The following DLG2 variants were observed in gnomAD, a reference collection of about 807,000 sequenced individuals.
DLG2 encodes the protein discs large MAGUK scaffold protein 2, also known as disks large homolog 2.
Under a neutral mutation model 132.5 loss-of-function variants are expected in DLG2, and 45 were observed. The observed-to-expected ratio is 0.34, with a 90% CI of 0.27 to 0.44. DLG2 has a LOEUF of 0.44. Ranked by LOEUF, DLG2 falls within the 20% of genes least tolerant of loss-of-function variation. DLG2 has a pLI of 1.00. For missense variants in DLG2, 1,045 were observed against 1,196.9 expected (o/e 0.87, Z 1.87); for synonymous variants, 424 against 419.6 (o/e 1.01, Z -0.13).
intron 14 of DLG2, among the ~76,000 whole-genome samples, chr11:83,955,332 T>A (rs780409150): frequency 4.6e-5 from 7 of 152,184 alleles, no homozygotes; most frequent in Non-Finnish European, 7.3e-5. Flanking sequence ...ATCACTCTGT[T>A]ATTCTACTGT....
At chr11:83,767,025 C>CT (rs1187245799) in intron 18 of DLG2, among the ~76,000 whole-genome samples, 1 of 152,136 alleles carries the variant, frequency 6.6e-6, no homozygotes, top group Non-Finnish European at 1.5e-5. Context: ...TCCTGCCTCT[C>CT]TTTTTCTATC....
intron 6 of DLG2, among the ~76,000 whole-genome samples, chr11:84,729,449 G>A (rs2062888584): frequency 6.6e-6 from 1 of 152,072 alleles, no homozygotes. Flanking sequence ...GAGACTGTTT[G>A]TTATGATTTC....
intron 11 of DLG2, among the ~76,000 whole-genome samples, chr11:84,055,412 T>C (rs1263473216): frequency 2.0e-5 from 3 of 152,132 alleles, no homozygotes; most frequent in Non-Finnish European, 4.4e-5. Flanking sequence ...TCACTCATGC[T>C]TAAAATATCA....
At chr11:85,306,234 A>C (rs188348529) in intron 3 of DLG2, among the ~76,000 whole-genome samples, 175 of 152,234 alleles carry the variant, frequency 1.1e-3, no homozygotes, top group African/African-American at 4.1e-3. Context: ...CTATGCCACC[A>C]CCATTTATGA....
chr11:84,108,296 T>A (rs1258833203), intron 9 of DLG2, among the ~76,000 whole-genome samples: 1 of 152,054 alleles, frequency 6.6e-6, no homozygotes, highest in Non-Finnish European at 1.5e-5. Context: ...GGTCAAGTTA[T>A]AAGAGTGTAT....
At chr11:84,773,182 G>A (rs1025945831) in intron 6 of DLG2, among the ~76,000 whole-genome samples, 2 of 152,044 alleles carry the variant, frequency 1.3e-5, no homozygotes, top group African/African-American at 4.8e-5. Flanking sequence ...AAATCTAAAG[G>A]AAATGGATAA....
intron 6 of DLG2, among the ~76,000 whole-genome samples, chr11:85,085,307 A>G (rs2067774306): frequency 2.0e-5 from 3 of 152,120 alleles, no homozygotes. Flanking sequence ...TTCTAAAATT[A>G]GTCTTAGATA....
intron 18 of DLG2, among the ~76,000 whole-genome samples, chr11:83,667,930 C>T (rs567331778): frequency 6.3e-5 from 8 of 127,430 alleles, no homozygotes; most frequent in South Asian, 2.5e-4. Context: ...GAGCCGAGAC[C>T]GTGCCACTGC....
chr11:85,562,040 C>A (rs1407151062), intron 3 of DLG2, among the ~76,000 whole-genome samples: 1 of 151,738 alleles, frequency 6.6e-6, no homozygotes, highest in Non-Finnish European at 1.5e-5. Context: ...TACTTAACCA[C>A]AGAACTATGT....
At chr11:83,839,565 C>T (rs2057083714) in intron 16 of DLG2, among the ~76,000 whole-genome samples, 1 of 152,124 alleles carries the variant, frequency 6.6e-6, no homozygotes, top group Non-Finnish European at 1.5e-5. Flanking sequence ...GAGCTAGTCT[C>T]TTTGCTGTAA....
intron 6 of DLG2, among the ~76,000 whole-genome samples, chr11:84,784,370 T>TAAATAAATAAATA (rs778698670): frequency 1.7e-4 from 23 of 134,788 alleles, no homozygotes; most frequent in Non-Finnish European, 1.7e-4. Flanking sequence ...ATAAATAAAT[T>TAAATAAATAAATA]AAACAAGAGT....
chr11:84,757,857 G>T (rs1377064455), intron 6 of DLG2, among the ~76,000 whole-genome samples: 1 of 152,106 alleles, frequency 6.6e-6, no homozygotes, highest in Non-Finnish European at 1.5e-5. Context: ...GCAGCCTGGG[G>T]GAATCACCTG....
chr11:84,181,261 G>T (rs929258041), intron 8 of DLG2, among the ~76,000 whole-genome samples: 2 of 151,902 alleles, frequency 1.3e-5, no homozygotes, highest in Admixed American at 6.6e-5. Flanking sequence ...TTTGTGAAGT[G>T]GTGGAGTGTT....
At chr11:83,791,493 T>C in intron 17 of DLG2, 1 of 672,966 alleles carries the variant, frequency 1.5e-6, no homozygotes, top group Admixed American at 2.0e-5. Context: ...TAGCGATGGT[T>C]GTTGTACTAC....
In DLG2 at chr11:83,667,870, C is replaced by T. The variant is rs182103668; in HGVS notation, c.1826-34545G>A. On this transcript the variant is annotated intron_variant, in intron 18 of 27. Coordinates refer to ENST00000376104, the MANE Select transcript of DLG2 (RefSeq NM_001142699.3). ...GCAGGCGCCTGTAGTCCCAGCTACT[C>T]GGGAGGCTGAGGCAGGAGAATGGCA... Among the ~76,000 whole-genome samples the T allele has an allele frequency of 9.9e-3, 1,395 of 140,760 alleles. 23 individuals are homozygous for T. Among genetic ancestry groups the T allele is most frequent in the African/African-American group, 0.035 (1,325 of 37,908 alleles). The allele number at this position is 140,760 out of a possible 152,430, so 92.3% of individuals were successfully genotyped here.
chr11:83,842,559 T>C (rs1363095912), intron 16 of DLG2, among the ~76,000 whole-genome samples: 1 of 134,934 alleles, frequency 7.4e-6, no homozygotes, highest in East Asian at 2.1e-4. Context: ...CCGGGCACGG[T>C]GGCTCATGCT....
At chr11:83,657,945 A>C (rs951000809) in intron 18 of DLG2, among the ~76,000 whole-genome samples, 3 of 152,210 alleles carry the variant, frequency 2.0e-5, no homozygotes. Flanking sequence ...ATGAGCACAC[A>C]CATATCAAAG....
intron 6 of DLG2, among the ~76,000 whole-genome samples, chr11:84,628,558 T>C (rs2099626626): frequency 6.6e-6 from 1 of 152,248 alleles, no homozygotes; most frequent in African/African-American, 2.4e-5. Context: ...ATTTGATGCA[T>C]TTTTGCTTAT....
chr11:84,305,712 T>C (rs1276329716), intron 7 of DLG2, among the ~76,000 whole-genome samples: 1 of 152,096 alleles, frequency 6.6e-6, no homozygotes, highest in East Asian at 1.9e-4. Flanking sequence ...TATCCTTTGA[T>C]AGGTAATGAG....
Sources: gnomAD v4.1 joint callset for allele counts (sites outside exome capture counted in the v4.1 genomes callset) on GRCh38, gnomAD v4.1.1 for gene constraint, MANE v1.5 for transcripts, NCBI Gene and HGNC (gene_info 2026-07-23, HGNC 2026-07-21) for gene names.